The following SALL3 variants were observed in gnomAD, a reference collection of about 807,000 sequenced individuals.
SALL3 encodes the protein sal-like protein 3.
In SALL3, 25 loss-of-function variants were observed where a neutral mutation model predicts 66.2. That is an observed-to-expected ratio of 0.38 (90% CI 0.28 to 0.53). The LOEUF (loss-of-function observed/expected upper bound fraction) is 0.53, where lower values mean the gene tolerates loss of function less well. SALL3 is among the 20% of genes least tolerant of loss of function. SALL3 has a pLI of 0.85. For missense variants in SALL3, 2,194 were observed against 1,916.5 expected (o/e 1.14, Z -2.70); for synonymous variants, 1,152 against 899.1 (o/e 1.28, Z -5.03).
intron 1 of SALL3, among the ~76,000 whole-genome samples, chr18:78,984,014 A>G (rs1390520376): frequency 6.6e-6 from 1 of 152,248 alleles, no homozygotes; most frequent in Non-Finnish European, 1.5e-5. Context: ...TATGTGCAGT[A>G]CGTTTTCAAC....
At chr18:78,980,690 C>T (rs967978685) in intron 1 of SALL3, among the ~76,000 whole-genome samples, 4 of 147,740 alleles carry the variant, frequency 2.7e-5, no homozygotes, top group South Asian at 2.1e-4. Context: ...CGCCGCCGCG[C>T]CGCCCCCCAG....
intron 1 of SALL3, among the ~76,000 whole-genome samples, chr18:78,987,511 G>A (rs1299106307): frequency 6.6e-6 from 1 of 152,174 alleles, no homozygotes; most frequent in African/African-American, 2.4e-5. Context: ...AGGAAGGAAT[G>A]TGCACATGGT....
At chr18:78,982,324 G>C (rs1223320509) in intron 1 of SALL3, among the ~76,000 whole-genome samples, 1 of 152,196 alleles carries the variant, frequency 6.6e-6, no homozygotes, top group Non-Finnish European at 1.5e-5. Flanking sequence ...TAGAATTGAA[G>C]TTCTTGTCAA....
In SALL3 at chr18:78,997,207, C is replaced by T. The variant is rs1408975306; in HGVS notation, c.3788C>T (p.Ala1263Val). The T allele has an allele frequency of 6.2e-7, 1 of 1,614,034 alleles. No homozygotes were observed. The highest frequency in any genetic ancestry group is 8.5e-7 in the Non-Finnish European group (1 of 1,180,028). The change falls in exon 3 of 3, where the codon GCA becomes GTA. Residue 1263 changes from alanine (A) to valine (V), a missense_variant. Transcript: ENST00000537592. ...LGSMASGMDKARTGSSPPIVS... is the reference protein window; with the variant it reads ...LGSMASGMDKVRTGSSPPIVS... ...AGCATGGCCAGTGGGATGGACAAAG[C>T]ACGCACTGGCAGTAGCCCACCCATC...
rs781275254 is a variant in SALL3 at position 78,997,080 on chromosome 18, A to C, written c.3661A>C (p.Asn1221His). 16 of 1,614,010 alleles carry C rather than the reference A, an allele frequency of 9.9e-6. No homozygotes were observed. Among genetic ancestry groups the C allele is most frequent in the Non-Finnish European group, 1.4e-5 (16 of 1,180,054 alleles). Reference sequence around the variant, plus strand: ...GAACCAGTATGCTGCAGCCATCACTAACGGGCTCGCCATGAAGAACAACGA... The same window carrying C: ...GAACCAGTATGCTGCAGCCATCACTCACGGGCTCGCCATGAAGAACAACGA... Reference protein sequence around the residue: ...FWNQYAAAITNGLAMKNNEIS... With the variant: ...FWNQYAAAITHGLAMKNNEIS... The change falls in exon 3 of 3, where the codon AAC becomes CAC. Residue 1221 changes from asparagine to histidine, a missense_variant. Asn to His is a moderately conservative substitution (Grantham distance 68). Transcript: ENST00000537592.
Position 78,997,645 on chromosome 18 carries a change from G to A in SALL3, c.*323G>A, listed in dbSNP as rs904560502. ...CTAATAATCTCTCCGAGGGAGAAAG[G>A]GGTTCTCTGCGGTATTCCAGTGAAA... On this transcript the variant is annotated 3_prime_UTR_variant, in exon 3 of 3. Transcript: ENST00000537592. The A allele has an allele frequency of 2.2e-5, 8 of 362,306 alleles. No individual in the cohort carries two copies. Among genetic ancestry groups the A allele is most frequent in the African/African-American group, 4.1e-5 (2 of 48,896 alleles). The allele number at this position is 362,306 out of a possible 1,614,324, so 22.4% of individuals were successfully genotyped here. A position where few individuals can be genotyped will look rare whatever the true frequency, so the allele number is the denominator to read the frequency against.
chr18:78,993,587 C>A lies in SALL3; in HGVS notation c.1596C>A (p.Pro532=). The change falls in exon 2 of 3, where the codon CCC becomes CCA. Residue 532 remains proline (P), a synonymous_variant. Transcript: ENST00000537592. ...VPTSVGLQLP[P]TVPGAHGYAD... ...CGTCCGTGGGGCTGCAACTGCCGCC[C>A]ACTGTCCCTGGCGCGCACGGCTACG... is the stretch of plus-strand genomic sequence containing the variant. The A allele has an allele frequency of 6.3e-7, 1 of 1,589,040 alleles. No individual in the cohort carries two copies. Among genetic ancestry groups the A allele is most frequent in the Non-Finnish European group, 8.5e-7 (1 of 1,173,030 alleles).
rs201059822 is a variant in SALL3 at position 78,992,121 on chromosome 18, C to T, written c.130C>T (p.Arg44Cys). Residue 44 changes from arginine to cysteine, a missense_variant, in exon 2 of 3, where the codon CGC (arginine) becomes TGC (cysteine). Coordinates refer to ENST00000537592, the MANE Select transcript of SALL3 (RefSeq NM_171999.4). ...AEDADSGPES[R>C]SGGEETSVCE... ...GGACGCAGACAGCGGGCCCGAGAGC[C>T]GCAGCGGGGGCGAGGAGACCAGCGT... 1.9e-6 allele frequency: 3 copies of T among 1,596,266 alleles called. No homozygotes were observed. The highest frequency in any genetic ancestry group is 1.3e-5 in the African/African-American group (1 of 74,266).
At position 78,994,446 on chromosome 18, in the gene SALL3, G is replaced by A; in HGVS notation, c.2455G>A (p.Ala819Thr). The change falls in exon 2 of 3, where the codon GCC (alanine) becomes ACC (threonine). Residue 819 changes from alanine (A) to threonine (T), a missense_variant. Physicochemically the swap from Ala to Thr is moderately conservative, Grantham distance 58 (BLOSUM62 0). Transcript: ENST00000537592. ...GCTGAAGGACGCGGCCACCGACCCG[G>A]CCAAGCCACTCCTGTCCTACGCGGG... ...AELKDAATDP[A>T]KPLLSYAGSC... is the part of the protein sequence containing the mutation. 6.2e-7 allele frequency: 1 copy of A among 1,612,150 alleles called. No homozygotes were observed. The highest frequency in any genetic ancestry group is 1.1e-5 in the South Asian group (1 of 91,054).
In SALL3 at chr18:78,993,147, G is replaced by C. The variant is rs773084670; in HGVS notation, c.1156G>C (p.Ala386Pro). The change falls in exon 2 of 3, where the codon GCT (alanine) becomes CCT (proline). Residue 386 changes from alanine to proline, a missense_variant. Coordinates refer to ENST00000537592, the MANE Select transcript of SALL3 (RefSeq NM_171999.4). ...PLVSIAATAN[A>P]LDPLSALMKH... ...GGTCAGCATCGCGGCCACGGCCAAC[G>C]CTCTGGACCCGCTGTCCGCGCTCAT... The C allele has an allele frequency of 1.2e-6, 2 of 1,606,130 alleles. No homozygotes were observed. The highest frequency in any genetic ancestry group is 1.7e-6 in the Non-Finnish European group (2 of 1,177,650).
Position 78,993,695 on chromosome 18 carries a change from A to G in SALL3, c.1704A>G (p.Pro568=), listed in dbSNP as rs757352486. Reference sequence around the variant, plus strand: ...CCAGCGAGTGCGCCTCCTTGTCCCCAGGCCTCAACCACGTGGAGTCCGGCG... The same window carrying G: ...CCAGCGAGTGCGCCTCCTTGTCCCCGGGCCTCAACCACGTGGAGTCCGGCG... The part of the protein sequence containing the change: ...PASSECASLS[P]GLNHVESGVS... The change falls in exon 2 of 3, where the codon CCA becomes CCG. Residue 568 remains proline (P), a synonymous_variant. Transcript: ENST00000537592. 2.4e-5 allele frequency: 38 copies of G among 1,576,102 alleles called. No individual in the cohort carries two copies. The highest frequency in any genetic ancestry group is 3.5e-5 in the Admixed American group (2 of 56,602).
intron 1 of SALL3, among the ~76,000 whole-genome samples, chr18:78,991,233 CAT>C (rs922223935): frequency 2.0e-5 from 3 of 152,054 alleles, no homozygotes; most frequent in African/African-American, 4.8e-5. Context: ...ATAACAGTAA[CAT>C]GTAATTTTAG....
chr18:78,992,429 G>A lies in SALL3; in HGVS notation c.438G>A (p.Arg146=), dbSNP rs1476887906. The change falls in exon 2 of 3, where the codon CGG becomes CGA. Residue 146 remains arginine (R), a synonymous_variant. Coordinates refer to ENST00000537592, the MANE Select transcript of SALL3 (RefSeq NM_171999.4). ...AEPAGDTRAP[R]PPPAAPAPPT... is the part of the protein sequence containing the mutation. ...CCGCGGGGGACACGCGCGCGCCCCG[G>A]CCCCCGCCTGCGGCCCCTGCACCCC... The A allele has an allele frequency of 5.2e-6, 7 of 1,352,374 alleles. No individual in the cohort carries two copies. The highest frequency in any genetic ancestry group is 6.6e-6 in the Non-Finnish European group (7 of 1,061,552). The allele number at this position is 1,352,374 out of a possible 1,614,324, so 83.8% of individuals were successfully genotyped here. A position where few individuals can be genotyped will look rare whatever the true frequency, so the allele number is the denominator to read the frequency against.
rs918516310 is a variant in SALL3, at chr18:78,997,742, C to G, written c.*420C>G. ...TTTTTAGAACTCTTCATGTTAAAGA[C>G]GTGGTTTAGTACTCCCAATGCTGTG... On this transcript the variant is annotated 3_prime_UTR_variant, in exon 3 of 3. Transcript: ENST00000537592. 1 of 188,856 alleles carries G rather than the reference C, an allele frequency of 5.3e-6. No individual in the cohort carries two copies. Among genetic ancestry groups the G allele is most frequent in the Non-Finnish European group, 1.1e-5 (1 of 90,826 alleles). The allele number at this position is 188,856 out of a possible 1,614,324, so 11.7% of individuals were successfully genotyped here. A position where few individuals can be genotyped will look rare whatever the true frequency, so the allele number is the denominator to read the frequency against.
In SALL3 at chr18:78,993,384, G is replaced by T. The variant is rs1242463566; in HGVS notation, c.1393G>T (p.Val465Leu). 6.2e-7 allele frequency: 1 copy of T among 1,612,666 alleles called. No individual in the cohort carries two copies. Among genetic ancestry groups the T allele is most frequent in the Non-Finnish European group, 8.5e-7 (1 of 1,179,892 alleles). The change falls in exon 2 of 3, where the codon GTG (valine) becomes TTG (leucine). Residue 465 changes from valine to leucine, a missense_variant. By Grantham distance (32) the Val-to-Leu change is conservative (BLOSUM62 1). Coordinates refer to ENST00000537592, the MANE Select transcript of SALL3 (RefSeq NM_171999.4). ...CTTCTCCACCAAAGGCAACCTGAAGGTGCACTTCCAGAGGCACAAGGAGAA... is the reference window on the plus strand; with the variant it reads ...CTTCTCCACCAAAGGCAACCTGAAGTTGCACTTCCAGAGGCACAAGGAGAA... ...NRFSTKGNLK[V>L]HFQRHKEKYP...
intron 2 of SALL3, 134 bp from the exon 3 acceptor site, chr18:78,996,757 A>T (rs1447400055): frequency 3.8e-6 from 3 of 790,036 alleles, no homozygotes; most frequent in Middle Eastern, 3.9e-4. Context: ...TGCCCAGAAA[A>T]GTCCACCTGT....
At chr18:78,984,499 C>A (rs1914174436) in intron 1 of SALL3, among the ~76,000 whole-genome samples, 1 of 152,082 alleles carries the variant, frequency 6.6e-6, no homozygotes, top group African/African-American at 2.4e-5. Context: ...ATAAGACCAA[C>A]ATGTTTTAGT....
At position 78,998,830 on chromosome 18, in the gene SALL3, G is replaced by A. The variant is rs758862675; in HGVS notation, c.*1508G>A. ...TTTCAGAACACAGCCTGACGCTGAT[G>A]GCTGAGCTGCATCCAGCCAGGAGGG... On this transcript the variant is annotated 3_prime_UTR_variant, in exon 3 of 3. Transcript: ENST00000537592. 1.1e-4 allele frequency: 16 copies of A among 152,274 alleles called. No homozygotes were observed. The highest frequency in any genetic ancestry group is 2.4e-4 in the Non-Finnish European group (16 of 68,068). 9.4% of individuals were successfully genotyped at this position (152,274 alleles called of 1,614,324 possible).
At chr18:78,981,043 C>G (rs1408030645) in intron 1 of SALL3, among the ~76,000 whole-genome samples, 2 of 152,182 alleles carry the variant, frequency 1.3e-5, no homozygotes, top group Admixed American at 6.5e-5. Flanking sequence ...CGGGCCTTTT[C>G]TCTCCCGTCT....
Sources: allele counts gnomAD v4.1 joint callset (sites outside exome capture counted in the v4.1 genomes callset), GRCh38; gene constraint gnomAD v4.1.1; transcripts MANE v1.5; gene names NCBI Gene and HGNC (gene_info 2026-07-23, HGNC 2026-07-21).